Variants in MSRA observed in about 807,000 individuals in gnomAD.
MSRA encodes the protein mitochondrial peptide methionine sulfoxide reductase.
MSRA carries 54 observed loss-of-function variants against 31.3 expected under a neutral mutation model. The ratio of observed to expected loss-of-function variants is 1.73; its 90% CI spans 1.39 to 2.17. The LOEUF (loss-of-function observed/expected upper bound fraction) is 2.17, where lower values mean the gene tolerates loss of function less well. MSRA is among the 30% of genes most tolerant of loss of function. The probability of loss-of-function intolerance (pLI) is 0.00; values close to 1 mark genes in which losing one functional copy is unlikely to be tolerated. For synonymous variants in MSRA, 169 were observed against 116.5 expected, an observed-to-expected ratio of 1.45 and a Z score of -2.90; for missense variants, 507 against 300.9, an observed-to-expected ratio of 1.69 and a Z score of -5.07.
At chr8:10,427,121 C>T (rs1435970181) in intron 5 of MSRA, among the ~76,000 whole-genome samples, 2 of 152,176 alleles carry the variant, frequency 1.3e-5, no homozygotes, top group East Asian at 3.9e-4. Context: ...TCACATGGAC[C>T]AGTGGACAGT....
intron 1 of MSRA, among the ~76,000 whole-genome samples, chr8:10,182,141 G>T (rs1054146721): frequency 5.3e-5 from 8 of 152,106 alleles, no homozygotes; most frequent in African/African-American, 1.7e-4. Flanking sequence ...AAAGGCTTCA[G>T]GGACTTGCTT....
At chr8:10,097,350 G>A (rs141611606) in intron 1 of MSRA, among the ~76,000 whole-genome samples, 1 of 152,002 alleles carries the variant, frequency 6.6e-6, no homozygotes, top group Non-Finnish European at 1.5e-5. Context: ...ACACTACGTC[G>A]CTGATACTCC....
intron 1 of MSRA, among the ~76,000 whole-genome samples, chr8:10,082,034 C>T (rs1400384229): frequency 6.6e-6 from 1 of 152,038 alleles, no homozygotes; most frequent in African/African-American, 2.4e-5. Flanking sequence ...AGACCCCCAA[C>T]AGTACAAAAA....
chr8:10,419,724 G>A (rs1448092895), intron 5 of MSRA, among the ~76,000 whole-genome samples: 1 of 152,220 alleles, frequency 6.6e-6, no homozygotes, highest in Non-Finnish European at 1.5e-5. Flanking sequence ...GGCGCTTGGT[G>A]TTTAGAGCGT....
chr8:10,232,461 A>G (rs60316999), intron 2 of MSRA, among the ~76,000 whole-genome samples: 5,110 of 152,320 alleles, frequency 0.034, 116 homozygotes, highest in East Asian at 0.072. Flanking sequence ...CCCATAGGAC[A>G]TGTCAGATCT....
chr8:10,382,026 C>G (rs987113406), intron 5 of MSRA, among the ~76,000 whole-genome samples: 2 of 152,176 alleles, frequency 1.3e-5, no homozygotes, highest in Non-Finnish European at 2.9e-5. Flanking sequence ...TTTCTTTCTG[C>G]GTGGTACAAG....
chr8:10,397,708 T>C (rs1350474174), intron 5 of MSRA, among the ~76,000 whole-genome samples: 1 of 152,256 alleles, frequency 6.6e-6, no homozygotes, highest in African/African-American at 2.4e-5. Flanking sequence ...GCTCTCATGC[T>C]CTCAAATTCC....
chr8:10,356,949 T>C (rs1008651214), intron 5 of MSRA, among the ~76,000 whole-genome samples: 1 of 151,200 alleles, frequency 6.6e-6, no homozygotes, highest in Non-Finnish European at 1.5e-5. Flanking sequence ...ACACGCAGCT[T>C]GCCCTCTCTT....
chr8:10,369,174 AATATT>A (rs1013961853), intron 5 of MSRA, among the ~76,000 whole-genome samples: 2 of 152,196 alleles, frequency 1.3e-5, no homozygotes, highest in African/African-American at 4.8e-5. Flanking sequence ...AAAACTGTTC[AATATT>A]ATATTAAGTA....
chr8:10,157,039 A>G (rs1045659280), intron 1 of MSRA, among the ~76,000 whole-genome samples: 2 of 151,860 alleles, frequency 1.3e-5, no homozygotes, highest in African/African-American at 4.8e-5. Flanking sequence ...TCAGGATGAC[A>G]AGTGGCTTTT....
chr8:10,337,483 C>T (rs1392497941), intron 5 of MSRA: 10 of 530,412 alleles, frequency 1.9e-5, no homozygotes, highest in Non-Finnish European at 3.0e-5. Context: ...CCGGCCAAGC[C>T]TATGTCGCTT....
At chr8:10,228,050 C>T (rs920090779) in intron 2 of MSRA, among the ~76,000 whole-genome samples, 8 of 152,156 alleles carry the variant, frequency 5.3e-5, no homozygotes, top group Admixed American at 1.3e-4. Context: ...GATAGCTGAC[C>T]AGAAGAGACT....
At chr8:10,410,307 A>C (rs113502529) in intron 5 of MSRA, among the ~76,000 whole-genome samples, 7,823 of 152,152 alleles carry the variant, frequency 0.051, 540 homozygotes, top group African/African-American at 0.15. Flanking sequence ...GCCTGTGAAA[A>C]ACCCAAGTCA....
intron 5 of MSRA, among the ~76,000 whole-genome samples, chr8:10,416,254 A>G (rs75182907): frequency 0.047 from 7,129 of 152,268 alleles, 439 homozygotes; most frequent in African/African-American, 0.14. Flanking sequence ...CCAGTGCGCA[A>G]TAACAATTGT....
intron 3 of MSRA, among the ~76,000 whole-genome samples, chr8:10,257,169 G>A (rs577126328): frequency 2.0e-5 from 3 of 152,222 alleles, no homozygotes; most frequent in East Asian, 1.9e-4. Context: ...TCCATCAGGG[G>A]TGGCCAGGAA....
chr8:10,388,391 G>C (rs1216791392), intron 5 of MSRA, among the ~76,000 whole-genome samples: 2 of 152,200 alleles, frequency 1.3e-5, no homozygotes, highest in African/African-American at 4.8e-5. Flanking sequence ...CTCTGTAGAT[G>C]TAAAATTTCC....
chr8:10,398,774 G>A (rs951898496), intron 5 of MSRA, among the ~76,000 whole-genome samples: 3 of 152,236 alleles, frequency 2.0e-5, no homozygotes, highest in African/African-American at 4.8e-5. Context: ...AAAACAGTAC[G>A]AGGTTTTTCA....
At chr8:10,315,434 G>C (rs1801657904) in intron 4 of MSRA, among the ~76,000 whole-genome samples, 1 of 152,220 alleles carries the variant, frequency 6.6e-6, no homozygotes, top group African/African-American at 2.4e-5. Flanking sequence ...TAGTGGTGGT[G>C]ATGTGAGTAT....
At chr8:10,323,272 T>G (rs1802161089) in intron 5 of MSRA, among the ~76,000 whole-genome samples, 1 of 152,154 alleles carries the variant, frequency 6.6e-6, no homozygotes, top group South Asian at 2.1e-4. Context: ...TATTTAATTA[T>G]AAAGGCAGTA....
Sources: allele counts gnomAD v4.1 joint callset (sites outside exome capture counted in the v4.1 genomes callset), GRCh38; gene constraint gnomAD v4.1.1; transcripts MANE v1.5; gene names NCBI Gene and HGNC (gene_info 2026-07-23, HGNC 2026-07-21).